The following NYAP2 variants were observed in gnomAD, a reference collection of about 807,000 sequenced individuals.
NYAP2 encodes the protein neuronal tyrosine-phosphorylated phosphoinositide-3-kinase adapter 2.
Under a neutral mutation model 50.4 loss-of-function variants are expected in NYAP2, and 23 were observed. The ratio of observed to expected loss-of-function variants is 0.46; its 90% CI spans 0.33 to 0.65. NYAP2 has a LOEUF of 0.65. Among genes scored for constraint, NYAP2 ranks in the 30% least tolerant of loss-of-function variants. The pLI is 0.02. For missense variants in NYAP2, 885 were observed against 861.0 expected, an observed-to-expected ratio of 1.03 and a Z score of -0.35; for synonymous variants, 394 against 365.2, an observed-to-expected ratio of 1.08 and a Z score of -0.90.
chr2:225,414,390 G>T (rs1695091120), intron 3 of NYAP2, among the ~76,000 whole-genome samples: 1 of 152,074 alleles, frequency 6.6e-6, no homozygotes, highest in South Asian at 2.1e-4. Context: ...AAATCCTAAT[G>T]GTTTTGTGCA....
chr2:225,527,750 C>A (rs1003147777), intron 4 of NYAP2, among the ~76,000 whole-genome samples: 2 of 152,096 alleles, frequency 1.3e-5, no homozygotes, highest in Non-Finnish European at 2.9e-5. Flanking sequence ...TGGGCTCAAG[C>A]AATCGTCCCA....
intron 4 of NYAP2, among the ~76,000 whole-genome samples, chr2:225,520,673 T>A (rs1691036739): frequency 6.6e-6 from 1 of 152,230 alleles, no homozygotes; most frequent in East Asian, 1.9e-4. Flanking sequence ...TTGGTTACTG[T>A]AGCCTTGTAG....
At chr2:225,577,820 TTAA>T (rs1335593353) in intron 4 of NYAP2, among the ~76,000 whole-genome samples, 4 of 151,290 alleles carry the variant, frequency 2.6e-5, no homozygotes, top group African/African-American at 9.7e-5. Context: ...TTTTTTTTTT[TTAA>T]AAAAAGAAGC....
chr2:225,474,201 T>C (rs1444428398), intron 3 of NYAP2, among the ~76,000 whole-genome samples: 2 of 152,224 alleles, frequency 1.3e-5, no homozygotes, highest in Non-Finnish European at 2.9e-5. Flanking sequence ...CATGCTGTTT[T>C]GGTTACTGTA....
intron 3 of NYAP2, among the ~76,000 whole-genome samples, chr2:225,422,917 C>G (rs763516157): frequency 6.6e-6 from 1 of 152,054 alleles, no homozygotes; most frequent in Non-Finnish European, 1.5e-5. Context: ...ATCAGAAGCT[C>G]TCATTATTAT....
At chr2:225,651,626 A>T in exon 7 of NYAP2, 1 of 1,590,202 alleles carries the variant, frequency 6.3e-7, no homozygotes, top group Non-Finnish European at 8.6e-7. Flanking sequence ...GCTGTAGACA[A>T]CTTTCGCATT....
intron 3 of NYAP2, among the ~76,000 whole-genome samples, chr2:225,441,705 G>A (rs1300777865): frequency 6.6e-6 from 1 of 152,114 alleles, no homozygotes; most frequent in Non-Finnish European, 1.5e-5. Context: ...AACAGCATGA[G>A]AGAAACTGCC....
At chr2:225,652,436 A>T (rs1203393659) in exon 7 of NYAP2, 1 of 152,224 alleles carries the variant, frequency 6.6e-6, no homozygotes, top group Non-Finnish European at 1.5e-5. Context: ...TTTACAGCAT[A>T]ATATGTTGCT....
At position 225,593,606 on chromosome 2, in the gene NYAP2, C is replaced by T. The variant is rs572961708; in HGVS notation, c.1618+10571C>T. 7.2e-5 allele frequency among the ~76,000 whole-genome samples: 11 copies of T among 152,290 alleles called. No individual in the cohort carries two copies. The East Asian group carries it at 1.9e-3, about 27-fold the overall frequency. On this transcript the variant is annotated intron_variant, in intron 5 of 6. Coordinates refer to ENST00000636099, the Ensembl canonical transcript of NYAP2. ...GAATGATGTAAGACTTATTCCAATG[C>T]ATTGTGAAGATTATTTCTATCTGAT...
intron 3 of NYAP2, among the ~76,000 whole-genome samples, chr2:225,477,052 T>A (rs757062161): frequency 6.6e-6 from 1 of 152,102 alleles, no homozygotes; most frequent in Non-Finnish European, 1.5e-5. Context: ...AATTACACAA[T>A]GCCCCACATA....
intron 6 of NYAP2, among the ~76,000 whole-genome samples, chr2:225,630,458 A>G (rs1330445288): frequency 6.6e-6 from 1 of 152,156 alleles, no homozygotes; most frequent in Non-Finnish European, 1.5e-5. Context: ...TCATACCTCA[A>G]AGATTCTCCA....
intron 3 of NYAP2, among the ~76,000 whole-genome samples, chr2:225,420,738 G>A (rs1438299465): frequency 6.6e-6 from 1 of 151,712 alleles, no homozygotes. Flanking sequence ...AGCCTCTGGA[G>A]TAGCTCGGAC....
At chr2:225,453,551 A>G (rs752261735) in intron 3 of NYAP2, among the ~76,000 whole-genome samples, 1 of 152,228 alleles carries the variant, frequency 6.6e-6, no homozygotes, top group Admixed American at 6.5e-5. Context: ...TGCTCATTAC[A>G]TATCACAAAA....
intron 2 of NYAP2, among the ~76,000 whole-genome samples, chr2:225,406,019 G>A (rs1261027498): frequency 6.6e-6 from 1 of 151,708 alleles, no homozygotes; most frequent in Non-Finnish European, 1.5e-5. Flanking sequence ...TAACAGTAAT[G>A]TTAGTGACTA....
At chr2:225,446,401 A>C (rs1559182094) in intron 3 of NYAP2, among the ~76,000 whole-genome samples, 1 of 151,772 alleles carries the variant, frequency 6.6e-6, no homozygotes, top group Non-Finnish European at 1.5e-5. Context: ...CTCCAGGGTG[A>C]GTAACTGCAC....
chr2:225,499,657 C>T (rs981150449), intron 3 of NYAP2, among the ~76,000 whole-genome samples: 4 of 152,096 alleles, frequency 2.6e-5, no homozygotes, highest in African/African-American at 9.7e-5. Context: ...CAGAGTACAA[C>T]AGATACACAA....
intron 3 of NYAP2, among the ~76,000 whole-genome samples, chr2:225,498,571 CTT>C (rs35287009): frequency 4.1e-5 from 6 of 146,382 alleles, no homozygotes; most frequent in East Asian, 2.0e-4. Flanking sequence ...TTTTTTAGGA[CTT>C]TTTTTTTTTT....
intron 6 of NYAP2, among the ~76,000 whole-genome samples, chr2:225,628,265 C>T (rs780277674): frequency 6.7e-6 from 1 of 149,466 alleles, no homozygotes; most frequent in Non-Finnish European, 1.5e-5. Context: ...GTATAAATTG[C>T]TATAGGTGTG....
At chr2:225,400,401 G>C (rs1694841283) in intron 1 of NYAP2, 146 bp downstream of exon 1, 1 of 151,976 alleles carries the variant, frequency 6.6e-6, no homozygotes, top group African/African-American at 2.4e-5. Context: ...ATGAGAGAGA[G>C]AGAGCTGGTT....
Sources: gnomAD v4.1 joint callset for allele counts (sites outside exome capture counted in the v4.1 genomes callset) on GRCh38, gnomAD v4.1.1 for gene constraint, MANE v1.5 for transcripts, NCBI Gene and HGNC (gene_info 2026-07-23, HGNC 2026-07-21) for gene names.